The following BBS4 variants were observed in gnomAD, a reference collection of about 807,000 sequenced individuals.
BBS4 encodes Bardet-Biedl syndrome 4, also known as BBSome complex member BBS4.
BBS4 carries 58 observed loss-of-function variants against 71.4 expected under a neutral mutation model. The observed-to-expected ratio is 0.81, with a 90% confidence interval of 0.66 to 1.01. The LOEUF (loss-of-function observed/expected upper bound fraction) is 1.01. Ranked by LOEUF, BBS4 falls within the 50% of genes least tolerant of loss-of-function variation. BBS4 has a pLI of 0.00. For missense variants in BBS4, 660 were observed against 607.9 expected, an observed-to-expected ratio of 1.09 and a Z score of -0.90; for synonymous variants, 228 against 216.8, an observed-to-expected ratio of 1.05 and a Z score of -0.46.
chr15:72,736,624 A>T, intron 14 of BBS4, 138 bp from the exon 15 acceptor site: 1 of 801,376 alleles, frequency 1.2e-6, no homozygotes, highest in Non-Finnish European at 2.1e-6. Context: ...CTACTGTTTG[A>T]TAAGTACTTC....
intron 8 of BBS4, 50 bp from the exon 9 acceptor site, chr15:72,727,890 C>T (rs748382461): frequency 1.8e-5 from 25 of 1,378,924 alleles, no homozygotes; most frequent in African/African-American, 8.6e-5. Context: ...CATGTGTCTT[C>T]GTGTTTCTCA....
chr15:72,707,512 A>G (rs145004759), intron 2 of BBS4, among the ~76,000 whole-genome samples: 289 of 152,250 alleles, frequency 1.9e-3, no homozygotes, highest in Non-Finnish European at 2.7e-3. Flanking sequence ...TGTCTCCAAC[A>G]TATTAAAATT....
At position 72,717,909 on chromosome 15, in the gene BBS4, C is replaced by T. The variant is rs536310387; in HGVS notation, c.405+1059C>T. On this transcript the variant is annotated intron_variant, in intron 6 of 15. Transcript: ENST00000268057. ...TGTTGCCCAGGCTGGAGTGCAGTGG[C>T]GTGATCTCGGCTCACTGCAACCTCT... 3.9e-5 allele frequency among the ~76,000 whole-genome samples: 6 copies of T among 152,266 alleles called. 1 individual carries two copies. The highest frequency in any genetic ancestry group is 1.2e-4 in the African/African-American group (5 of 41,542).
chr15:72,698,064 T>A, intron 2 of BBS4: 1 of 455,736 alleles, frequency 2.2e-6, no homozygotes, highest in South Asian at 1.5e-5. Context: ...ACTGCTTGAG[T>A]CTATTTTCTT....
intron 10 of BBS4, among the ~76,000 whole-genome samples, chr15:72,730,763 A>G (rs964769515): frequency 2.6e-5 from 4 of 152,196 alleles, no homozygotes; most frequent in Non-Finnish European, 5.9e-5. Context: ...CTGAATTCTG[A>G]TTTAGGAAGT....
Position 72,716,821 on chromosome 15 carries a change from G to A in BBS4, c.376G>A (p.Glu126Lys), listed in dbSNP as rs752000709. Residue 126 changes from glutamate (E) to lysine (K), a missense_variant, in exon 6 of 16, where the codon GAA (glutamate) becomes AAA (lysine). Coordinates refer to ENST00000268057, the MANE Select transcript of BBS4 (RefSeq NM_033028.5). ...TAAAGCTGCCATTGAAGTATATAAT[G>A]AAGCAGCTAAACTCAACCAGAAAGA... is the stretch of plus-strand genomic sequence containing the variant. ...KHKAAIEVYN[E>K]AAKLNQKDWE... The A allele has an allele frequency of 3.1e-6, 5 of 1,610,800 alleles. No homozygotes were observed. The East Asian group carries it at 1.1e-4, about 36-fold the overall frequency.
At chr15:72,704,879 C>CA (rs1035048283) in intron 2 of BBS4, among the ~76,000 whole-genome samples, 6 of 151,022 alleles carry the variant, frequency 4.0e-5, no homozygotes, top group African/African-American at 1.5e-4. Context: ...GACTCCATCT[C>CA]AAAAAAACAA....
Position 72,731,456 on chromosome 15 carries a change from C to T in BBS4, c.863C>T (p.Ala288Val), listed in dbSNP as rs772051835. ...MCFFGKKKYV[A>V]AISCLKRANY... The stretch of plus-strand genomic sequence containing the variant: ...TTCTTTGGCAAGAAGAAATATGTGG[C>T]GGTGAGTGTCCCCTCATGTTCTTTG... Residue 288 changes from alanine to valine, a missense_variant and splice_region_variant, in exon 11 of 16, where the codon GCG becomes GTG. Physicochemically the swap from Ala to Val is moderately conservative, Grantham distance 64. Transcript: ENST00000268057. 31 of 1,614,014 alleles carry T rather than the reference C, an allele frequency of 1.9e-5. No homozygotes were observed. The highest frequency in any genetic ancestry group is 4.5e-5 in the East Asian group (2 of 44,876).
At position 72,731,714 on chromosome 15, in the gene BBS4, A is replaced by G. The variant is rs752377756; in HGVS notation, c.1024A>G (p.Met342Val). The change falls in exon 12 of 16, where the codon ATG (methionine) becomes GTG (valine). Residue 342 changes from methionine (M) to valine (V), a missense_variant. Transcript: ENST00000268057. ...NFQPKMGELY[M>V]LLAVALTNLE... ...CCAGCCAAAGATGGGGGAGCTCTACATGCTCTTGGCAGGTAAGAAACATTT... is the reference window on the plus strand; with the variant it reads ...CCAGCCAAAGATGGGGGAGCTCTACGTGCTCTTGGCAGGTAAGAAACATTT... 3.7e-6 allele frequency: 6 copies of G among 1,614,168 alleles called. No homozygotes were observed. Among genetic ancestry groups the G allele is most frequent in the South Asian group, 1.1e-5 (1 of 91,084 alleles).
In BBS4 at chr15:72,723,172, A is replaced by C. The variant is rs550041269; in HGVS notation, c.459+325A>C. Among the ~76,000 whole-genome samples, 14 of 152,294 alleles carry C rather than the reference A, an allele frequency of 9.2e-5. No individual in the cohort carries two copies. In the South Asian group the frequency reaches 2.9e-3, roughly 32 times the overall value. On this transcript the variant is annotated intron_variant, in intron 7 of 15. Transcript: ENST00000268057. The stretch of plus-strand genomic sequence containing the variant: ...CATACATATCAAAAAGTGGACCCTT[A>C]AGTCTTAAAGGTGTGATCATGACCA...
chr15:72,706,758 C>A (rs2065270593), intron 2 of BBS4, among the ~76,000 whole-genome samples: 1 of 152,118 alleles, frequency 6.6e-6, no homozygotes, highest in Non-Finnish European at 1.5e-5. Flanking sequence ...TCCATACTTT[C>A]TGTTATAATT....
intron 2 of BBS4, among the ~76,000 whole-genome samples, chr15:72,696,259 T>A (rs2065074557): frequency 6.6e-6 from 1 of 152,248 alleles, no homozygotes; most frequent in Admixed American, 6.5e-5. Context: ...TCTGATAATA[T>A]TCCTTGTTTG....
intron 1 of BBS4, chr15:72,686,605 G>A (rs912034924): frequency 8.3e-6 from 11 of 1,331,032 alleles, no homozygotes; most frequent in Non-Finnish European, 1.1e-5. Context: ...TGTTAATCCC[G>A]TGAATTGGGA....
At chr15:72,711,811 A>T (rs2065376717) in intron 3 of BBS4, among the ~76,000 whole-genome samples, 1 of 152,096 alleles carries the variant, frequency 6.6e-6, no homozygotes, top group Non-Finnish European at 1.5e-5. Context: ...AGGCATTATT[A>T]ATACTCTAGG....
rs151145184 is a variant in BBS4, at chr15:72,724,402, G to T, written c.460-126G>T. ...TATGTTTTGGTCTTTGGGTAGTGGG[G>T]GCTGTTTGCTGAAATGTGATGTTCC... On this transcript the variant is annotated intron_variant, in intron 7 of 15. Transcript: ENST00000268057. 2,601 of 1,386,296 alleles carry T rather than the reference G, an allele frequency of 1.9e-3. 12 individuals carry two copies. The highest frequency in any genetic ancestry group is 4.8e-3 in the Middle Eastern group (21 of 4,410). 85.9% of individuals were successfully genotyped at this position (1,386,296 alleles called of 1,614,324 possible).
chr15:72,712,354 C>G, intron 4 of BBS4, 47 bp downstream of exon 4: 1 of 1,569,098 alleles, frequency 6.4e-7, no homozygotes, highest in South Asian at 1.1e-5. Context: ...TACACTTTTC[C>G]TAGGTTCTTG....
intron 12 of BBS4, among the ~76,000 whole-genome samples, chr15:72,733,601 C>T (rs961975450): frequency 1.3e-5 from 2 of 152,116 alleles, no homozygotes; most frequent in Admixed American, 6.5e-5. Context: ...GCAAAGGACA[C>T]GATCTTGTTC....
At chr15:72,700,753 TTGA>T (rs1172608411) in intron 2 of BBS4, among the ~76,000 whole-genome samples, 1 of 152,202 alleles carries the variant, frequency 6.6e-6, no homozygotes, top group Non-Finnish European at 1.5e-5. Context: ...AAGGTATCTT[TTGA>T]TGATCAAAAG....
rs183278135 is a variant in BBS4, at chr15:72,695,097, A to T, written c.25-80A>T. 2.7e-5 allele frequency: 26 copies of T among 971,924 alleles called. No homozygotes were observed. The East Asian group carries it at 6.1e-4, about 23-fold the overall frequency. 60.2% of individuals were successfully genotyped at this position (971,924 alleles called of 1,614,324 possible). ...TTGCATAATTGGTGAGCTACTGATT[A>T]TTCTTGTTATTTGGATGCTTCTTTA... On this transcript the variant is annotated intron_variant, in intron 1 of 15. Transcript: ENST00000268057.
Sources: gnomAD v4.1 joint callset for allele counts (sites outside exome capture counted in the v4.1 genomes callset) on GRCh38, gnomAD v4.1.1 for gene constraint, MANE v1.5 for transcripts, NCBI Gene and HGNC (gene_info 2026-07-23, HGNC 2026-07-21) for gene names.